The following PTPRT variants were observed in gnomAD, a reference collection of about 807,000 sequenced individuals.
PTPRT encodes the protein protein tyrosine phosphatase receptor type T.
A neutral mutation model predicts 176.8 loss-of-function variants in PTPRT; 56 were observed. That is an observed-to-expected ratio of 0.32 (90% CI 0.26 to 0.40). The LOEUF (loss-of-function observed/expected upper bound fraction) is 0.40. PTPRT is among the 10% of genes least tolerant of loss of function. PTPRT has a pLI of 1.00. For missense variants in PTPRT, 1,540 were observed against 1,908.2 expected, an observed-to-expected ratio of 0.81 and a Z score of 3.60; for synonymous variants, 783 against 739.0, an observed-to-expected ratio of 1.06 and a Z score of -0.96.
chr20:42,731,481 G>A (rs957431705), intron 6 of PTPRT, among the ~76,000 whole-genome samples: 2 of 152,202 alleles, frequency 1.3e-5, no homozygotes, highest in African/African-American at 4.8e-5. Flanking sequence ...CCCATGTACA[G>A]CCGCTACATA....
At chr20:42,954,480 T>A (rs1981490288) in intron 1 of PTPRT, among the ~76,000 whole-genome samples, 1 of 152,152 alleles carries the variant, frequency 6.6e-6, no homozygotes, top group Non-Finnish European at 1.5e-5. Flanking sequence ...GACCTGACGA[T>A]ACATGCAACA....
chr20:42,081,972 C>T lies in PTPRT; in HGVS notation c.4182G>A (p.Val1394=), dbSNP rs1465811349. Residue 1394 remains valine (V), a synonymous_variant, in exon 30 of 31, where the codon GTG becomes GTA. Coordinates refer to ENST00000373187, the MANE Select transcript of PTPRT (RefSeq NM_007050.6). ...RSGTFCAICS[V]CEMIQQQNII... ...TGTTTTGCTGCTGGATCATCTCACACACACTGCAGATGGCACAGAAGGTTC... is the reference window on the plus strand; with the variant it reads ...TGTTTTGCTGCTGGATCATCTCACATACACTGCAGATGGCACAGAAGGTTC... 6.2e-7 allele frequency: 1 copy of T among 1,614,238 alleles called. No individual in the cohort carries two copies. The highest frequency in any genetic ancestry group is 8.5e-7 in the Non-Finnish European group (1 of 1,180,048).
intron 12 of PTPRT, among the ~76,000 whole-genome samples, chr20:42,285,733 A>T (rs1025663051): frequency 6.6e-6 from 1 of 151,948 alleles, no homozygotes; most frequent in South Asian, 2.1e-4. Flanking sequence ...ATTGGAAAAA[A>T]AAAAGTCAAA....
chr20:42,876,782 G>A (rs2078939096), intron 2 of PTPRT, among the ~76,000 whole-genome samples: 1 of 152,162 alleles, frequency 6.6e-6, no homozygotes, highest in African/African-American at 2.4e-5. Context: ...CAGGATACAA[G>A]GAATTCAGCA....
chr20:43,040,943 G>T (rs188275472), intron 1 of PTPRT, among the ~76,000 whole-genome samples: 1 of 152,184 alleles, frequency 6.6e-6, no homozygotes. Context: ...CTTTTGCCCA[G>T]TGTTTCCCAA....
At position 42,110,476 on chromosome 20, in the gene PTPRT, A is replaced by G. The variant is rs2146292525; in HGVS notation, c.3111T>C (p.His1037=). 1.2e-6 allele frequency: 2 copies of G among 1,602,284 alleles called. No homozygotes were observed. The highest frequency in any genetic ancestry group is 1.7e-6 in the Non-Finnish European group (2 of 1,171,820). ...RTFTVQKKGY[H]EIRELRLFHF... ...GGAAGAGGCGGAGCTCCCGGATCTC[A>G]TGGTAGCCTTTCTGAGGAAAGAACG... is the stretch of plus-strand genomic sequence containing the variant. The change falls in exon 23 of 31, where the codon CAT becomes CAC. Residue 1037 remains histidine (H), a synonymous_variant. Transcript: ENST00000373187.
intron 2 of PTPRT, among the ~76,000 whole-genome samples, chr20:42,881,591 G>A (rs1468210833): frequency 6.6e-6 from 1 of 152,022 alleles, no homozygotes; most frequent in Non-Finnish European, 1.5e-5. Context: ...CAGGCATGGC[G>A]ATGTGCGCCT....
intron 1 of PTPRT, among the ~76,000 whole-genome samples, chr20:42,987,123 C>T (rs1198186352): frequency 6.6e-6 from 1 of 151,994 alleles, no homozygotes; most frequent in African/African-American, 2.4e-5. Context: ...CCCCTCCCTG[C>T]CTCCCTCTGT....
At chr20:42,237,080 T>C (rs1349894753) in intron 14 of PTPRT, among the ~76,000 whole-genome samples, 2 of 152,138 alleles carry the variant, frequency 1.3e-5, no homozygotes, top group Non-Finnish European at 2.9e-5. Flanking sequence ...AAGAAAGAAA[T>C]GTCCCACCAG....
At chr20:42,247,483 T>TC (rs11483979) in intron 14 of PTPRT, among the ~76,000 whole-genome samples, 6,891 of 152,264 alleles carry the variant, frequency 0.045, 495 homozygotes, top group African/African-American at 0.15. Context: ...GGTATTCTGT[T>TC]CCTTTGTTCT....
intron 9 of PTPRT, among the ~76,000 whole-genome samples, chr20:42,391,186 A>C (rs1294098933): frequency 6.6e-6 from 1 of 152,176 alleles, no homozygotes; most frequent in Non-Finnish European, 1.5e-5. Context: ...TGTCCTTTTC[A>C]TTGTGAGTTC....
At chr20:42,868,165 A>T (rs1192396554) in intron 2 of PTPRT, among the ~76,000 whole-genome samples, 1 of 152,230 alleles carries the variant, frequency 6.6e-6, no homozygotes, top group African/African-American at 2.4e-5. Context: ...ATTATTGTGA[A>T]CAGAGTATTA....
chr20:42,304,643 A>G (rs902718320), intron 12 of PTPRT, among the ~76,000 whole-genome samples: 1 of 152,130 alleles, frequency 6.6e-6, no homozygotes, highest in Non-Finnish European at 1.5e-5. Context: ...TTGGAAATTC[A>G]CTAATCTTAT....
intron 7 of PTPRT, among the ~76,000 whole-genome samples, chr20:42,495,524 A>G (rs1050816511): frequency 6.6e-6 from 1 of 152,218 alleles, no homozygotes; most frequent in African/African-American, 2.4e-5. Context: ...AAATAAAGCA[A>G]TAATTCTCTG....
intron 14 of PTPRT, among the ~76,000 whole-genome samples, chr20:42,246,913 G>A (rs2056461521): frequency 6.6e-6 from 1 of 152,124 alleles, no homozygotes; most frequent in South Asian, 2.1e-4. Context: ...ACATTTCAGT[G>A]ATCTTACATG....
intron 7 of PTPRT, among the ~76,000 whole-genome samples, chr20:42,570,383 T>G (rs1483784871): frequency 6.6e-6 from 1 of 152,046 alleles, no homozygotes; most frequent in Non-Finnish European, 1.5e-5. Flanking sequence ...CCAGGGGAGC[T>G]CCAGGTGATT....
At chr20:42,717,686 A>G (rs1038153928) in intron 6 of PTPRT, among the ~76,000 whole-genome samples, 1 of 152,258 alleles carries the variant, frequency 6.6e-6, no homozygotes, top group South Asian at 2.1e-4. Flanking sequence ...ACTGTTATTC[A>G]TCAACAGATG....
intron 1 of PTPRT, among the ~76,000 whole-genome samples, chr20:42,994,026 G>T (rs181046923): frequency 6.6e-6 from 1 of 152,042 alleles, no homozygotes; most frequent in Non-Finnish European, 1.5e-5. Context: ...ATTAAGTAAC[G>T]GGAATAGTAG....
At chr20:42,403,043 A>G (rs2058925053) in intron 9 of PTPRT, among the ~76,000 whole-genome samples, 1 of 152,200 alleles carries the variant, frequency 6.6e-6, no homozygotes, top group African/African-American at 2.4e-5. Context: ...TAGATAATAC[A>G]TAAAAGAAAA....
Sources: allele counts gnomAD v4.1 joint callset (sites outside exome capture counted in the v4.1 genomes callset), GRCh38; gene constraint gnomAD v4.1.1; transcripts MANE v1.5; gene names NCBI Gene and HGNC (gene_info 2026-07-23, HGNC 2026-07-21).